DOCK5: variants seen among roughly 807,000 people sequenced by gnomAD.
DOCK5 encodes the protein dedicator of cytokinesis protein 5.
DOCK5 carries 142 observed loss-of-function variants against 251.8 expected under a neutral mutation model. The ratio of observed to expected loss-of-function variants is 0.56; its 90% confidence interval spans 0.49 to 0.65. The LOEUF (loss-of-function observed/expected upper bound fraction) is 0.65, where lower values mean the gene tolerates loss of function less well. DOCK5 is among the 30% of genes least tolerant of loss of function. DOCK5 has a pLI of 0.00. For missense variants in DOCK5, 2,111 were observed against 2,312.3 expected (o/e 0.91, Z 1.79); for synonymous variants, 842 against 835.5 (o/e 1.01, Z -0.13).
At chr8:25,354,088 T>C (rs2117254869) in intron 27 of DOCK5, among the ~76,000 whole-genome samples, 1 of 134,076 alleles carries the variant, frequency 7.5e-6, no homozygotes, top group East Asian at 2.2e-4. Flanking sequence ...ACTAGTCAAA[T>C]CACTTATATG....
chr8:25,410,308 C>A lies in DOCK5; in HGVS notation c.5508+106C>A. 2.2e-6 allele frequency: 2 copies of A among 890,428 alleles called. No individual in the cohort carries two copies. Among genetic ancestry groups the A allele is most frequent in the South Asian group, 1.5e-5 (1 of 64,594 alleles). The allele number at this position is 890,428 out of a possible 1,614,324, so 55.2% of individuals were successfully genotyped here. Reference sequence around the variant, plus strand: ...TGGGCAGGTTTGCTCATAGACCTGTCACTGCAGTCGATTCTTGGCTCATTC... The same window carrying A: ...TGGGCAGGTTTGCTCATAGACCTGTAACTGCAGTCGATTCTTGGCTCATTC... On this transcript the variant is annotated intron_variant, in intron 51 of 51. Coordinates refer to ENST00000276440, the MANE Select transcript of DOCK5 (RefSeq NM_024940.8).
At chr8:25,399,457 A>T (rs941505904) in intron 45 of DOCK5, among the ~76,000 whole-genome samples, 7 of 152,252 alleles carry the variant, frequency 4.6e-5, no homozygotes, top group African/African-American at 1.7e-4. Flanking sequence ...AAAGCGTGAT[A>T]TAGCCAATGT....
intron 31 of DOCK5, 77 bp downstream of exon 31, chr8:25,367,047 C>T: frequency 7.7e-7 from 1 of 1,306,388 alleles, no homozygotes. Flanking sequence ...TTTTAGGTAT[C>T]ACAGAAATTA....
chr8:25,307,017 G>C (rs1390469538), intron 11 of DOCK5, among the ~76,000 whole-genome samples: 1 of 152,094 alleles, frequency 6.6e-6, no homozygotes, highest in Non-Finnish European at 1.5e-5. Context: ...TGCTATTTGT[G>C]TCTTTAAACA....
intron 37 of DOCK5, chr8:25,376,190 A>G (rs1800960559): frequency 2.0e-6 from 2 of 985,264 alleles, no homozygotes; most frequent in Admixed American, 6.1e-5. Context: ...ATGATCAGAA[A>G]GAAATCCCCA....
intron 40 of DOCK5, among the ~76,000 whole-genome samples, chr8:25,384,934 A>G (rs974117527): frequency 5.9e-5 from 9 of 152,172 alleles, no homozygotes; most frequent in African/African-American, 2.2e-4. Flanking sequence ...CTCCATCTCA[A>G]AATAAAATAA....
intron 1 of DOCK5, among the ~76,000 whole-genome samples, chr8:25,194,956 T>A (rs1488285662): frequency 6.6e-6 from 1 of 152,062 alleles, no homozygotes; most frequent in Non-Finnish European, 1.5e-5. Flanking sequence ...AGTCTCGCTC[T>A]GTCGCCCAGA....
intron 2 of DOCK5, among the ~76,000 whole-genome samples, chr8:25,262,172 TGA>T (rs1433406587): frequency 6.6e-6 from 1 of 151,548 alleles, no homozygotes; most frequent in Non-Finnish European, 1.5e-5. Flanking sequence ...CCACCAGCAA[TGA>T]GAGAGAGTTC....
At chr8:25,199,378 TTC>T (rs1286285541) in intron 1 of DOCK5, among the ~76,000 whole-genome samples, 2 of 92,784 alleles carry the variant, frequency 2.2e-5, no homozygotes, top group Non-Finnish European at 4.4e-5. Flanking sequence ...TTCCGCTCTG[TTC>T]TTTTTTTTTT....
chr8:25,239,455 G>A (rs545189846), intron 1 of DOCK5, among the ~76,000 whole-genome samples: 1 of 151,828 alleles, frequency 6.6e-6, no homozygotes, highest in Non-Finnish European at 1.5e-5. Flanking sequence ...CTTTTCCAAT[G>A]ACCGGAACCA....
chr8:25,324,078 C>A, intron 17 of DOCK5, 127 bp downstream of exon 17: 3 of 1,092,326 alleles, frequency 2.7e-6, no homozygotes, highest in South Asian at 3.4e-5. Context: ...CCATTAACAT[C>A]TAGAAACCCA....
chr8:25,296,685 G>T lies in DOCK5; in HGVS notation c.606+37G>T, dbSNP rs772884845. 4.0e-5 allele frequency: 64 copies of T among 1,603,434 alleles called. 1 individual carries two copies. In the South Asian group the frequency reaches 6.8e-4, roughly 17 times the overall value. On this transcript the variant is annotated intron_variant, in intron 7 of 51. Transcript: ENST00000276440. ...CAAATGTGAAATTCTGCCCACTGAG[G>T]TTCCATTTTTGCCTTGGTTTTTAAT...
chr8:25,208,880 C>T (rs1209331209), intron 1 of DOCK5, among the ~76,000 whole-genome samples: 2 of 152,160 alleles, frequency 1.3e-5, no homozygotes, highest in African/African-American at 2.4e-5. Context: ...TTCCCTCCCT[C>T]CCTGCACTCC....
At chr8:25,235,306 T>G (rs574415481) in intron 1 of DOCK5, among the ~76,000 whole-genome samples, 75 of 152,320 alleles carry the variant, frequency 4.9e-4, no homozygotes, top group Admixed American at 9.8e-4. Context: ...CTCAGCTCAC[T>G]GTAGCCTCGA....
chr8:25,290,373 T>C (rs1435165694), intron 5 of DOCK5, among the ~76,000 whole-genome samples: 3 of 152,188 alleles, frequency 2.0e-5, no homozygotes, highest in Admixed American at 1.3e-4. Context: ...TGAAGTTGCA[T>C]TGGGCTGCAT....
chr8:25,385,753 T>G (rs1267276923), intron 40 of DOCK5, among the ~76,000 whole-genome samples: 2 of 152,152 alleles, frequency 1.3e-5, no homozygotes, highest in Non-Finnish European at 2.9e-5. Flanking sequence ...CCTAGAACAC[T>G]GCCTCCTACA....
At chr8:25,315,842 AT>A (rs1214336244) in intron 13 of DOCK5, among the ~76,000 whole-genome samples, 1 of 152,110 alleles carries the variant, frequency 6.6e-6, no homozygotes, top group Non-Finnish European at 1.5e-5. Flanking sequence ...GCAGTATCTT[AT>A]TTTTTTCCAG....
rs767351843 is a variant in DOCK5 at position 25,325,368 on chromosome 8, A to G, written c.1724A>G (p.Asp575Gly). ...GRHDLVVYKG[D>G]NKKMEDAKFY... ...TCCTAACATGCTTCCTTTTAGGGTG[A>G]CAACAAAAAAATGGAAGATGCTAAA... is the stretch of plus-strand genomic sequence containing the variant. The change falls in exon 18 of 52, where the codon GAC becomes GGC. Residue 575 changes from aspartate (D) to glycine (G), a missense_variant. By Grantham distance (94) the Asp-to-Gly change is moderately conservative (BLOSUM62 -1). Around this residue, in one of 3 missense-constraint regions of DOCK5, gnomAD observed 1,717 missense variants for 1,892.4 expected, o/e 0.91. Transcript: ENST00000276440. 2 of 1,613,490 alleles carry G rather than the reference A, an allele frequency of 1.2e-6. No individual in the cohort carries two copies. Among genetic ancestry groups the G allele is most frequent in the Non-Finnish European group, 1.7e-6 (2 of 1,179,704 alleles).
intron 9 of DOCK5, among the ~76,000 whole-genome samples, chr8:25,301,594 G>A (rs1329016102): frequency 6.6e-6 from 1 of 151,998 alleles, no homozygotes; most frequent in Admixed American, 6.6e-5. Context: ...GCTGGGCGCG[G>A]TGGCTCATGT....
Sources: gnomAD v4.1 joint callset for allele counts (sites outside exome capture counted in the v4.1 genomes callset) on GRCh38, gnomAD v4.1.1 for gene constraint, gnomAD v4.1.1 regional missense constraint, MANE v1.5 for transcripts, NCBI Gene and HGNC (gene_info 2026-07-23, HGNC 2026-07-21) for gene names.